Variants in SEMA3D observed in about 807,000 individuals in gnomAD.
SEMA3D encodes the protein semaphorin 3D, also known as semaphorin-3D.
A neutral mutation model predicts 100.1 loss-of-function variants in SEMA3D; 84 were observed. That is an observed-to-expected ratio of 0.84 (90% CI 0.70 to 1.01). The LOEUF (loss-of-function observed/expected upper bound fraction) is 1.01, where lower values mean the gene tolerates loss of function less well. Among genes scored for constraint, SEMA3D ranks in the 50% least tolerant of loss-of-function variants. The probability of loss-of-function intolerance (pLI) is 0.00; values close to 1 mark genes in which losing one functional copy is unlikely to be tolerated. For synonymous variants in SEMA3D, 312 were observed against 320.7 expected, an observed-to-expected ratio of 0.97 and a Z score of 0.29; for missense variants, 875 against 934.1, an observed-to-expected ratio of 0.94 and a Z score of 0.82.
chr7:85,103,575 C>A (rs1788815203), intron 3 of SEMA3D, among the ~76,000 whole-genome samples: 3 of 151,984 alleles, frequency 2.0e-5, no homozygotes, highest in Non-Finnish European at 4.4e-5. Flanking sequence ...CCTCTAGGTC[C>A]TAAATGACTC....
chr7:85,200,831 G>A, the SEMA3D span, among the ~76,000 whole-genome samples: 2 of 152,204 alleles, frequency 1.3e-5, no homozygotes, highest in Non-Finnish European at 2.9e-5. Context: ...TCTCCATGCT[G>A]TGTGCAGCCT....
intron 1 of SEMA3D, among the ~76,000 whole-genome samples, chr7:85,184,394 C>T (rs781287414): frequency 1.3e-5 from 2 of 151,974 alleles, no homozygotes; most frequent in African/African-American, 2.4e-5. Flanking sequence ...TAGCTTATTC[C>T]CCCAGCAATA....
At chr7:85,068,405 T>C in intron 6 of SEMA3D, 121 bp from the exon 7 acceptor site, 1 of 631,636 alleles carries the variant, frequency 1.6e-6, no homozygotes. Context: ...GCATATAGCA[T>C]GTGCATAATG....
At chr7:85,249,528 C>T in the SEMA3D span, among the ~76,000 whole-genome samples, 2 of 152,170 alleles carry the variant, frequency 1.3e-5, no homozygotes, top group African/African-American at 4.8e-5. Context: ...GAACAGTAGA[C>T]CTCTTCTGAG....
chr7:85,074,230 GA>G (rs1288485405), intron 5 of SEMA3D, among the ~76,000 whole-genome samples: 1 of 152,170 alleles, frequency 6.6e-6, no homozygotes, highest in Non-Finnish European at 1.5e-5. Context: ...GGATTGCATA[GA>G]AAAAGTCCAG....
chr7:85,127,933 A>C (rs959619204), intron 2 of SEMA3D, among the ~76,000 whole-genome samples: 1 of 152,086 alleles, frequency 6.6e-6, no homozygotes. Flanking sequence ...ACATTTTGTC[A>C]ACTTTTAATG....
At position 85,014,939 on chromosome 7, in the gene SEMA3D, T is replaced by C; in HGVS notation, c.1703+120A>G. ...AACAACATTTTGATTTTAATATTCC[T>C]TCCATAGGACATGTTAGTAATATAT... On this transcript the variant is annotated intron_variant, in intron 16 of 18. Coordinates refer to ENST00000284136, the MANE Select transcript of SEMA3D (RefSeq NM_001384900.1). 6.2e-6 allele frequency: 4 copies of C among 647,982 alleles called. No homozygotes were observed. In the East Asian group the frequency reaches 1.2e-4, roughly 19 times the overall value. The allele number at this position is 647,982 out of a possible 1,614,324, so 40.1% of individuals were successfully genotyped here.
the SEMA3D span, among the ~76,000 whole-genome samples, chr7:85,213,951 C>T: frequency 6.6e-6 from 1 of 152,082 alleles, no homozygotes; most frequent in Non-Finnish European, 1.5e-5. Flanking sequence ...TTAAGTTTAG[C>T]ATCATTGAAA....
chr7:85,197,162 G>A, the SEMA3D span, among the ~76,000 whole-genome samples: 3 of 152,054 alleles, frequency 2.0e-5, no homozygotes, highest in East Asian at 5.8e-4. Flanking sequence ...TGTCCTTTGT[G>A]GGGGAAAATT....
chr7:85,174,470 A>C (rs1791172490), intron 1 of SEMA3D, among the ~76,000 whole-genome samples: 1 of 152,190 alleles, frequency 6.6e-6, no homozygotes, highest in Non-Finnish European at 1.5e-5. Flanking sequence ...ACAAGACAAA[A>C]AAACAGAGGC....
intron 2 of SEMA3D, among the ~76,000 whole-genome samples, chr7:85,152,737 A>G (rs1583972320): frequency 6.6e-6 from 1 of 152,182 alleles, no homozygotes; most frequent in East Asian, 1.9e-4. Flanking sequence ...AAAAACATGT[A>G]TTAGGATTAG....
chr7:85,091,773 A>G (rs1422030463), intron 4 of SEMA3D, among the ~76,000 whole-genome samples: 2 of 152,110 alleles, frequency 1.3e-5, no homozygotes. Context: ...CAGGCTTCTA[A>G]TGCATCACTT....
chr7:85,178,014 G>T (rs892855847), intron 1 of SEMA3D, among the ~76,000 whole-genome samples: 6 of 152,118 alleles, frequency 3.9e-5, no homozygotes, highest in Non-Finnish European at 8.8e-5. Flanking sequence ...AGACCTGATG[G>T]TATTATAAGG....
intron 6 of SEMA3D, among the ~76,000 whole-genome samples, chr7:85,069,981 A>C (rs549727649): frequency 1.3e-5 from 2 of 152,344 alleles, no homozygotes; most frequent in South Asian, 4.1e-4. Context: ...ACTAGAATGA[A>C]GCAAGTGCTA....
intron 12 of SEMA3D, among the ~76,000 whole-genome samples, chr7:85,027,654 A>G (rs1790428054): frequency 6.6e-6 from 1 of 152,068 alleles, no homozygotes; most frequent in Admixed American, 6.6e-5. Context: ...AAGTAAAACC[A>G]TGGAAGACAG....
At chr7:85,218,020 A>G in the SEMA3D span, among the ~76,000 whole-genome samples, 1 of 152,140 alleles carries the variant, frequency 6.6e-6, no homozygotes, top group African/African-American at 2.4e-5. Flanking sequence ...TTTGTCGACA[A>G]AAGTGAAAGT....
chr7:85,034,619 C>A (rs1562791060), intron 12 of SEMA3D, among the ~76,000 whole-genome samples: 1 of 151,742 alleles, frequency 6.6e-6, no homozygotes, highest in African/African-American at 2.4e-5. Context: ...AAACAAAAAA[C>A]AAAACAAAAC....
chr7:85,005,445 T>C (rs1177424976), intron 18 of SEMA3D, among the ~76,000 whole-genome samples: 1 of 152,058 alleles, frequency 6.6e-6, no homozygotes, highest in Non-Finnish European at 1.5e-5. Flanking sequence ...TCTAGTTTTA[T>C]TGGCGAAATT....
intron 2 of SEMA3D, among the ~76,000 whole-genome samples, chr7:85,133,385 A>T (rs755720424): frequency 6.6e-6 from 1 of 151,964 alleles, no homozygotes; most frequent in Non-Finnish European, 1.5e-5. Context: ...CTGCCGATGG[A>T]TATTTCTCCA....
Sources: allele counts gnomAD v4.1 joint callset (sites outside exome capture counted in the v4.1 genomes callset), GRCh38; gene constraint gnomAD v4.1.1; transcripts MANE v1.5; gene names NCBI Gene and HGNC (gene_info 2026-07-23, HGNC 2026-07-21).